The following IQSEC1 variants were observed in gnomAD, a reference collection of about 807,000 sequenced individuals.
IQSEC1 encodes IQ motif and SEC7 domain-containing protein 1.
A neutral mutation model predicts 91.0 loss-of-function variants in IQSEC1; 31 were observed. The ratio of observed to expected loss-of-function variants is 0.34; its 90% CI spans 0.26 to 0.46. The LOEUF (loss-of-function observed/expected upper bound fraction) is 0.46. Ranked by LOEUF, IQSEC1 falls within the 20% of genes least tolerant of loss-of-function variation. IQSEC1 has a pLI of 1.00. For synonymous variants in IQSEC1, 699 were observed against 662.6 expected, an observed-to-expected ratio of 1.05 and a Z score of -0.84; for missense variants, 1,388 against 1,575.6, an observed-to-expected ratio of 0.88 and a Z score of 2.02.
At chr3:13,127,137 G>A (rs970469185) in intron 2 of IQSEC1, among the ~76,000 whole-genome samples, 2 of 152,124 alleles carry the variant, frequency 1.3e-5, no homozygotes, top group Admixed American at 6.5e-5. Flanking sequence ...TCTCGGCTGG[G>A]GGCGGTGGCT....
At chr3:13,038,262 G>GTGTGTATATATATA (rs1491471643) in intron 1 of IQSEC1, among the ~76,000 whole-genome samples, 4 of 101,220 alleles carry the variant, frequency 4.0e-5, no homozygotes, top group Admixed American at 2.6e-4. Flanking sequence ...GTGTGTGTGT[G>GTGTGTATATATATA]TATATATATA....
intron 2 of IQSEC1, among the ~76,000 whole-genome samples, chr3:13,087,854 C>T (rs769196118): frequency 3.9e-5 from 6 of 152,174 alleles, no homozygotes; most frequent in African/African-American, 9.7e-5. Flanking sequence ...AAGAGCACTA[C>T]GGAGGGATGG....
intron 1 of IQSEC1, among the ~76,000 whole-genome samples, chr3:13,201,772 A>G (rs563990973): frequency 3.9e-5 from 6 of 152,214 alleles, no homozygotes; most frequent in Non-Finnish European, 5.9e-5. Context: ...CCAGAGGGGA[A>G]ACAGCATTTT....
chr3:13,278,796 G>C (rs995077528), intron 1 of IQSEC1, among the ~76,000 whole-genome samples: 6 of 144,930 alleles, frequency 4.1e-5, no homozygotes, highest in African/African-American at 1.2e-4. Flanking sequence ...TCCAGCTCTG[G>C]ATGACAGAGC....
At chr3:12,932,818 G>C (rs986273386) in intron 3 of IQSEC1, among the ~76,000 whole-genome samples, 1 of 152,230 alleles carries the variant, frequency 6.6e-6, no homozygotes, top group African/African-American at 2.4e-5. Flanking sequence ...CCGCCAGCCA[G>C]ATCAGCTGTG....
intron 1 of IQSEC1, among the ~76,000 whole-genome samples, chr3:13,245,134 C>A (rs377180141): frequency 6.6e-6 from 1 of 152,094 alleles, no homozygotes; most frequent in African/African-American, 2.4e-5. Flanking sequence ...CTTGGCTGAT[C>A]GAGTCTGGGC....
intron 1 of IQSEC1, among the ~76,000 whole-genome samples, chr3:13,175,651 C>A (rs141033408): frequency 6.6e-6 from 1 of 152,238 alleles, no homozygotes; most frequent in Non-Finnish European, 1.5e-5. Flanking sequence ...AAATGCCATA[C>A]GCTGGCTGGC....
At chr3:13,228,845 G>T (rs1694799423) in intron 1 of IQSEC1, among the ~76,000 whole-genome samples, 1 of 152,180 alleles carries the variant, frequency 6.6e-6, no homozygotes, top group South Asian at 2.1e-4. Flanking sequence ...ATCCCTTCAG[G>T]ACTTGGTGTA....
chr3:13,048,877 C>A (rs1024875958), intron 1 of IQSEC1, among the ~76,000 whole-genome samples: 1 of 152,236 alleles, frequency 6.6e-6, no homozygotes, highest in Non-Finnish European at 1.5e-5. Context: ...CCAGGTGGCA[C>A]CCCTCTCCCC....
At chr3:13,168,482 G>A (rs1277902988) in intron 1 of IQSEC1, among the ~76,000 whole-genome samples, 1 of 152,142 alleles carries the variant, frequency 6.6e-6, no homozygotes, top group Non-Finnish European at 1.5e-5. Context: ...GAGGCCTTCA[G>A]CAGCTCCCCA....
chr3:13,181,128 G>T (rs1011989158), intron 1 of IQSEC1, among the ~76,000 whole-genome samples: 1 of 152,142 alleles, frequency 6.6e-6, no homozygotes, highest in Non-Finnish European at 1.5e-5. Context: ...AAAATTAGCC[G>T]GGCGTGGTGG....
intron 13 of IQSEC1, 103 bp downstream of exon 13, chr3:12,902,670 C>CAAAAAAAAAAAAAAAAAAAAAAAAAAAA (rs1213830618): frequency 1.9e-4 from 36 of 192,632 alleles, no homozygotes; most frequent in Middle Eastern, 1.5e-3. Flanking sequence ...AAAAAAAAAC[C>CAAAAAAAAAAAAAAAAAAAAAAAAAAAA]AAAAAAAAAA....
At position 13,142,928 on chromosome 3, in the gene IQSEC1, G is replaced by A. The variant is rs1433394827; in HGVS notation, c.302+21176C>T. Among the ~76,000 whole-genome samples, 4 of 152,164 alleles carry A rather than the reference G, an allele frequency of 2.6e-5. No individual in the cohort carries two copies. In the East Asian group the frequency reaches 7.7e-4, roughly 29 times the overall value. Reference sequence around the variant, plus strand: ...CAGGAGATGTGCACCAGCTGCCCCTGCCTGGGACACTGTTCCCCTGTGTGC... The same window carrying A: ...CAGGAGATGTGCACCAGCTGCCCCTACCTGGGACACTGTTCCCCTGTGTGC... On this transcript the variant is annotated intron_variant, in intron 2 of 15. Transcript: ENST00000648114.
At chr3:13,003,204 G>A (rs1429769254) in intron 1 of IQSEC1, among the ~76,000 whole-genome samples, 1 of 150,192 alleles carries the variant, frequency 6.7e-6, no homozygotes, top group African/African-American at 2.5e-5. Context: ...TTGGGAGGCT[G>A]AGGCGGGAGT....
At chr3:13,275,435 G>A (rs982713995) in intron 1 of IQSEC1, among the ~76,000 whole-genome samples, 3 of 152,142 alleles carry the variant, frequency 2.0e-5, no homozygotes, top group Non-Finnish European at 2.9e-5. Flanking sequence ...CCCTAGGCTG[G>A]TCTGTGCCCA....
chr3:13,223,415 C>A (rs904267522), intron 1 of IQSEC1, among the ~76,000 whole-genome samples: 7 of 152,212 alleles, frequency 4.6e-5, no homozygotes, highest in African/African-American at 7.2e-5. Flanking sequence ...GGCACAGCCT[C>A]CACCCCTGGG....
intron 2 of IQSEC1, among the ~76,000 whole-genome samples, chr3:13,124,141 G>A (rs1166588163): frequency 3.9e-5 from 6 of 152,262 alleles, no homozygotes; most frequent in Admixed American, 2.0e-4. Context: ...ATACGGGTTC[G>A]TCTGCAACTG....
At chr3:12,950,718 C>G (rs1489599701) in intron 1 of IQSEC1, among the ~76,000 whole-genome samples, 1 of 151,830 alleles carries the variant, frequency 6.6e-6, no homozygotes. Flanking sequence ...TCTCGGCTCA[C>G]CGCAAGCTTC....
chr3:12,996,938 T>C (rs1382104328), intron 1 of IQSEC1, among the ~76,000 whole-genome samples: 1 of 152,232 alleles, frequency 6.6e-6, no homozygotes, highest in Admixed American at 6.5e-5. Flanking sequence ...CTCTCAAAAA[T>C]GCTGTAGGGT....
Sources: allele counts gnomAD v4.1 joint callset (sites outside exome capture counted in the v4.1 genomes callset), GRCh38; gene constraint gnomAD v4.1.1; transcripts MANE v1.5; gene names NCBI Gene and HGNC (gene_info 2026-07-23, HGNC 2026-07-21).